FNDC3A: variants seen among roughly 807,000 people sequenced by gnomAD.
FNDC3A encodes fibronectin type III domain containing 3A.
Under a neutral mutation model 148.9 loss-of-function variants are expected in FNDC3A, and 32 were observed. The ratio of observed to expected loss-of-function variants is 0.21; its 90% CI spans 0.16 to 0.29. FNDC3A has a LOEUF of 0.29. FNDC3A is among the 10% of genes least tolerant of loss of function. The pLI is 1.00. For synonymous variants in FNDC3A, 472 were observed against 473.6 expected (o/e 1.00, Z 0.04); for missense variants, 1,191 against 1,452.8 (o/e 0.82, Z 2.93).
chr13:49,111,259 G>A (rs185764033), intron 3 of FNDC3A, among the ~76,000 whole-genome samples: 5 of 152,072 alleles, frequency 3.3e-5, no homozygotes, highest in South Asian at 4.1e-4. Context: ...TTAAGGTTTC[G>A]CTACTATAGA....
chr13:49,161,489 G>A (rs1884114592), intron 8 of FNDC3A, among the ~76,000 whole-genome samples: 1 of 152,064 alleles, frequency 6.6e-6, no homozygotes, highest in African/African-American at 2.4e-5. Context: ...GAGCCTGTGT[G>A]TGTGTCTGCA....
At chr13:49,013,208 AGGAG>A (rs1952394197) in intron 2 of FNDC3A, among the ~76,000 whole-genome samples, 1 of 152,020 alleles carries the variant, frequency 6.6e-6, no homozygotes, top group South Asian at 2.1e-4. Flanking sequence ...CCAGCTACTC[AGGAG>A]GCTGAGATGG....
intron 1 of FNDC3A, among the ~76,000 whole-genome samples, chr13:49,001,733 A>G (rs1379069444): frequency 1.3e-5 from 2 of 152,156 alleles, no homozygotes; most frequent in Non-Finnish European, 2.9e-5. Context: ...CACCTAATAA[A>G]TTTTGGTCAG....
chr13:49,152,210 C>G (rs1566286764), intron 8 of FNDC3A, among the ~76,000 whole-genome samples: 1 of 152,194 alleles, frequency 6.6e-6, no homozygotes, highest in Non-Finnish European at 1.5e-5. Context: ...AAAAGCATTC[C>G]TGTAACTCCA....
chr13:49,202,025 C>T, intron 24 of FNDC3A, 59 bp downstream of exon 24: 2 of 1,112,486 alleles, frequency 1.8e-6, no homozygotes, highest in Non-Finnish European at 2.5e-6. Flanking sequence ...AATGTATTTT[C>T]ATAAATGCTT....
chr13:49,160,078 T>C (rs1201303249), intron 8 of FNDC3A, among the ~76,000 whole-genome samples: 1 of 152,208 alleles, frequency 6.6e-6, no homozygotes, highest in Non-Finnish European at 1.5e-5. Context: ...TCTAAAATTC[T>C]CTTTTTTTGT....
intron 1 of FNDC3A, among the ~76,000 whole-genome samples, chr13:48,989,866 T>G (rs1024524703): frequency 2.0e-5 from 3 of 151,990 alleles, no homozygotes; most frequent in African/African-American, 7.2e-5. Context: ...ATTCTCCTGC[T>G]TCAGCCTCCC....
At position 49,201,954 on chromosome 13, in the gene FNDC3A, G is replaced by A. The variant is rs1886438955; in HGVS notation, c.3142G>A (p.Ala1048Thr). 2 of 1,559,458 alleles carry A rather than the reference G, an allele frequency of 1.3e-6. No individual in the cohort carries two copies. Among genetic ancestry groups the A allele is most frequent in the South Asian group, 2.5e-5 (2 of 81,554 alleles). The change falls in exon 24 of 26, where the codon GCT (alanine) becomes ACT (threonine). Residue 1048 changes from alanine to threonine, a missense_variant. By Grantham distance (58) the Ala-to-Thr change is moderately conservative. Transcript: ENST00000492622. ...TTTCACTACTCCAAAATCTGTCCCA[G>A]CTGCCTTGAAAGGTAAGTTATACAT... ...YIFTTPKSVP[A>T]ALKAPKIEKV...
intron 2 of FNDC3A, among the ~76,000 whole-genome samples, chr13:49,012,549 TACAC>T (rs570033553): frequency 2.0e-5 from 3 of 151,796 alleles, no homozygotes; most frequent in African/African-American, 7.3e-5. Flanking sequence ...AGCTTATCAA[TACAC>T]ACACACACAT....
At chr13:49,120,118 C>T (rs536065027) in intron 4 of FNDC3A, among the ~76,000 whole-genome samples, 2 of 152,158 alleles carry the variant, frequency 1.3e-5, no homozygotes, top group Non-Finnish European at 2.9e-5. Context: ...CAAAGGGAAG[C>T]CCGTCAGACT....
intron 23 of FNDC3A, among the ~76,000 whole-genome samples, chr13:49,199,365 C>G (rs947657139): frequency 5.4e-5 from 8 of 147,010 alleles, no homozygotes; most frequent in Non-Finnish European, 1.2e-4. Context: ...GAGTCTCACT[C>G]TCACCAGGCT....
chr13:49,145,606 GT>G (rs568193142), intron 7 of FNDC3A, among the ~76,000 whole-genome samples, 171 bp from the exon 8 acceptor site: 132 of 152,072 alleles, frequency 8.7e-4, no homozygotes, highest in African/African-American at 3.0e-3. Context: ...CATCTCATTT[GT>G]TGTGGAACCC....
intron 8 of FNDC3A, among the ~76,000 whole-genome samples, chr13:49,155,466 A>T (rs1883605620): frequency 6.8e-6 from 1 of 146,612 alleles, no homozygotes; most frequent in Non-Finnish European, 1.5e-5. Context: ...CTTTCAAAAA[A>T]CCAGCTCCTG....
chr13:48,979,709 T>G (rs758697338), intron 1 of FNDC3A, among the ~76,000 whole-genome samples: 18 of 152,148 alleles, frequency 1.2e-4, no homozygotes, highest in Non-Finnish European at 2.2e-4. Context: ...TTATATGTGT[T>G]TGTTTGTATG....
chr13:49,000,536 T>A (rs1356492615), intron 1 of FNDC3A, among the ~76,000 whole-genome samples: 3 of 152,216 alleles, frequency 2.0e-5, no homozygotes, highest in Admixed American at 1.3e-4. Context: ...TTGTTTTCTT[T>A]CAAAATTGCT....
At chr13:49,167,196 GA>G (rs1884513801) in intron 8 of FNDC3A, 47 bp from the exon 9 acceptor site, 1 of 1,216,294 alleles carries the variant, frequency 8.2e-7, no homozygotes, top group South Asian at 1.3e-5. Flanking sequence ...TACATTGGTT[GA>G]AAATGCTTTA....
chr13:49,067,376 GT>G (rs1877336576), intron 2 of FNDC3A, among the ~76,000 whole-genome samples: 1 of 152,078 alleles, frequency 6.6e-6, no homozygotes. Context: ...CAGATTGTTG[GT>G]TTGGCATTCT....
At chr13:49,110,908 A>G (rs1403061677) in intron 3 of FNDC3A, among the ~76,000 whole-genome samples, 6 of 152,200 alleles carry the variant, frequency 3.9e-5, no homozygotes, top group Admixed American at 2.0e-4. Flanking sequence ...GAGCTTCTCA[A>G]ATTTCTTAAG....
At chr13:49,012,975 T>C (rs1287991766) in intron 2 of FNDC3A, among the ~76,000 whole-genome samples, 3 of 152,126 alleles carry the variant, frequency 2.0e-5, no homozygotes, top group African/African-American at 7.2e-5. Context: ...CAGCATATTA[T>C]TAAGCATGAT....
Sources: gnomAD v4.1 joint callset for allele counts (sites outside exome capture counted in the v4.1 genomes callset) on GRCh38, gnomAD v4.1.1 for gene constraint, MANE v1.5 for transcripts, NCBI Gene and HGNC (gene_info 2026-07-23, HGNC 2026-07-21) for gene names.